BRSK2: variants seen among roughly 807,000 people sequenced by gnomAD.
BRSK2 encodes the protein serine/threonine-protein kinase BRSK2.
In BRSK2, 19 loss-of-function variants were observed where a neutral mutation model predicts 83.3. The ratio of observed to expected loss-of-function variants is 0.23; its 90% CI spans 0.16 to 0.33. BRSK2 has a LOEUF of 0.33. Among genes scored for constraint, BRSK2 ranks in the 10% least tolerant of loss-of-function variants. The probability of loss-of-function intolerance (pLI) is 1.00; values close to 1 mark genes in which losing one functional copy is unlikely to be tolerated. For missense variants in BRSK2, 798 were observed against 1,042.3 expected, an observed-to-expected ratio of 0.77 and a Z score of 3.23; for synonymous variants, 519 against 435.4, an observed-to-expected ratio of 1.19 and a Z score of -2.39.
chr11:1,451,279 C>T lies in BRSK2; in HGVS notation c.1496-92C>T, dbSNP rs368890395. 1,523 of 1,467,146 alleles carry T rather than the reference C, an allele frequency of 1.0e-3. 35 individuals are homozygous for T. In the South Asian group the frequency reaches 0.015, roughly 14 times the overall value. The allele number at this position is 1,467,146 out of a possible 1,614,324, so 90.9% of individuals were successfully genotyped here. ...TGTCCCAGTGTGTGTGGGTGGACTC[C>T]TGATGACCCTGACCTCGGCGCAAGG... On this transcript the variant is annotated intron_variant, in intron 14 of 19. Coordinates refer to ENST00000528841, the MANE Select transcript of BRSK2 (RefSeq NM_001256627.2).
intron 15 of BRSK2, among the ~76,000 whole-genome samples, chr11:1,451,977 C>A (rs528447871): frequency 6.6e-6 from 1 of 152,046 alleles, no homozygotes; most frequent in African/African-American, 2.4e-5. Context: ...CCCTTCCCAG[C>A]GCCCAGGCCC....
At chr11:1,428,836 GGTGT>G (rs888738875) in intron 1 of BRSK2, among the ~76,000 whole-genome samples, 31 of 152,054 alleles carry the variant, frequency 2.0e-4, no homozygotes, top group African/African-American at 7.2e-4. Flanking sequence ...TACATGCATG[GGTGT>G]GTGTACAGGC....
Position 1,443,419 on chromosome 11 carries a change from C to A in BRSK2, c.633+16C>A, listed in dbSNP as rs1338867592. On this transcript the variant is annotated intron_variant, in intron 7 of 19. Coordinates refer to ENST00000528841, the MANE Select transcript of BRSK2 (RefSeq NM_001256627.2). ...CTTGCTGGTGGTGAGACCCTGGCCC[C>A]CTCAACCCTGCCCTGGCCTCTCCCC... 1 of 1,595,078 alleles carries A rather than the reference C, an allele frequency of 6.3e-7. No individual in the cohort carries two copies. The highest frequency in any genetic ancestry group is 2.3e-5 in the East Asian group (1 of 43,816).
At position 1,440,807 on chromosome 11, in the gene BRSK2, G is replaced by C. The variant is rs764532316; in HGVS notation, c.292G>C (p.Val98Leu). The C allele has an allele frequency of 8.2e-6, 13 of 1,582,514 alleles. No individual in the cohort carries two copies. Among genetic ancestry groups the C allele is most frequent in the Non-Finnish European group, 9.5e-6 (11 of 1,163,914 alleles). The change falls in exon 4 of 20, where the codon GTG (valine) becomes CTG (leucine). Residue 98 changes from valine (V) to leucine (L), a missense_variant. Physicochemically the swap from Val to Leu is conservative, Grantham distance 32. Around this residue, in one of 6 missense-constraint regions of BRSK2, gnomAD observed 109 missense variants for 259.2 expected, o/e 0.42. Coordinates refer to ENST00000528841, the MANE Select transcript of BRSK2 (RefSeq NM_001256627.2). ...KKYLYLVLEH[V>L]SGGELFDYLV... ...CTGCAGGTACCTGGTGCTAGAACAC[G>C]TGTCAGGTGGTGAGCTCTTCGACTA...
In BRSK2 at chr11:1,442,486, C is replaced by A. The variant is rs746983629; in HGVS notation, c.414-4C>A. On this transcript the variant is annotated splice_polypyrimidine_tract_variant and splice_region_variant and intron_variant, in intron 4 of 19. Transcript: ENST00000528841. ...CTGTTCAGCCTCACCACCCTCCTCC[C>A]CAGCCACAGGGATCTGAAACCTGAA... is the stretch of plus-strand genomic sequence containing the variant. 2 of 1,611,372 alleles carry A rather than the reference C, an allele frequency of 1.2e-6. No individual in the cohort carries two copies. The highest frequency in any genetic ancestry group is 1.7e-6 in the Non-Finnish European group (2 of 1,178,466).
chr11:1,426,971 C>G (rs958096262), intron 1 of BRSK2, among the ~76,000 whole-genome samples: 1 of 152,166 alleles, frequency 6.6e-6, no homozygotes, highest in African/African-American at 2.4e-5. Flanking sequence ...TGCTGCGCAA[C>G]TTTAGTCTGG....
Position 1,460,716 on chromosome 11 carries a change from A to G in BRSK2, c.2204A>G (p.Gln735Arg). 7.1e-7 allele frequency: 1 copy of G among 1,405,222 alleles called. No individual in the cohort carries two copies. 87.0% of individuals were successfully genotyped at this position (1,405,222 alleles called of 1,614,324 possible). ...GGCCCGCCCACCGCCCGCCGCGAGCAGCCTTAGACACACTAGCCCCCCCCC... is the reference window on the plus strand; with the variant it reads ...GGCCCGCCCACCGCCCGCCGCGAGCGGCCTTAGACACACTAGCCCCCCCCC... ...KMGPPTARRE[Q>R]P Residue 735 changes from glutamine (Q) to arginine (R), a missense_variant, in exon 20 of 20, where the codon CAG becomes CGG. Coordinates refer to ENST00000528841, the MANE Select transcript of BRSK2 (RefSeq NM_001256627.2).
intron 1 of BRSK2, among the ~76,000 whole-genome samples, chr11:1,404,597 C>T (rs917216986): frequency 6.6e-6 from 1 of 152,184 alleles, no homozygotes; most frequent in Non-Finnish European, 1.5e-5. Context: ...GCAGAGGGGG[C>T]GCCCCGGAGG....
chr11:1,439,702 C>T (rs1352829014), intron 3 of BRSK2, among the ~76,000 whole-genome samples: 9 of 152,002 alleles, frequency 5.9e-5, no homozygotes, highest in Non-Finnish European at 1.0e-4. Context: ...TGGGCCTGGC[C>T]GCCCCCCTGC....
intron 1 of BRSK2, among the ~76,000 whole-genome samples, chr11:1,393,552 T>C (rs981080481): frequency 6.6e-6 from 1 of 152,196 alleles, no homozygotes; most frequent in Non-Finnish European, 1.5e-5. Context: ...AGTGTTCACC[T>C]GCTGTGGCGT....
In BRSK2 at chr11:1,423,227, C is replaced by T. The variant is rs985342263; in HGVS notation, c.92-12813C>T. Among the ~76,000 whole-genome samples, 5 of 152,040 alleles carry T rather than the reference C, an allele frequency of 3.3e-5. No homozygotes were observed. Among genetic ancestry groups the T allele is most frequent in the South Asian group, 2.1e-4 (1 of 4,818 alleles). On this transcript the variant is annotated intron_variant, in intron 1 of 19. Coordinates refer to ENST00000528841, the MANE Select transcript of BRSK2 (RefSeq NM_001256627.2). This position sits in a 1 kb window ranked among gnomAD's most constrained non-coding sequence, Gnocchi z 6.5. The stretch of plus-strand genomic sequence containing the variant: ...TGCCTTGTGGGGTACGTGGTGGAGA[C>T]GGTGGGGTCGTGGCCGTCCAGGCTT...
chr11:1,419,913 GA>G lies in BRSK2; in HGVS notation c.92-16120del, dbSNP rs1303388833. On this transcript the variant is annotated intron_variant, in intron 1 of 19. Transcript: ENST00000528841. Reference sequence around the variant, plus strand: ...GGGCGACAGAGTCAGATTCCATCTCGAAAAAAACAGAAACAAGAATGTTTGA... The same window carrying G: ...GGGCGACAGAGTCAGATTCCATCTCGAAAAAACAGAAACAAGAATGTTTGA... 3.3e-5 allele frequency among the ~76,000 whole-genome samples: 5 copies of G among 152,214 alleles called. 1 individual carries two copies. The South Asian group carries it at 1.0e-3, about 32-fold the overall frequency.
At chr11:1,401,239 G>A (rs555210076) in intron 1 of BRSK2, among the ~76,000 whole-genome samples, 31 of 152,302 alleles carry the variant, frequency 2.0e-4, no homozygotes, top group South Asian at 1.4e-3. Context: ...ACATGCCCCC[G>A]GCATCACACC....
rs1183291883 is a variant in BRSK2, at chr11:1,390,709, C to T, written c.91+334C>T. On this transcript the variant is annotated intron_variant, in intron 1 of 19. Coordinates refer to ENST00000528841, the MANE Select transcript of BRSK2 (RefSeq NM_001256627.2). This position sits in a 1 kb window ranked among gnomAD's most constrained non-coding sequence, Gnocchi z 6.8. ...CGCATTGTGCGCCCCAGCGACCGGG[C>T]CCATTGTGCCGCGGGAGGAGGGGGC... Among the ~76,000 whole-genome samples the T allele has an allele frequency of 1.3e-5, 2 of 150,854 alleles. No homozygotes were observed. The highest frequency in any genetic ancestry group is 3.0e-5 in the Non-Finnish European group (2 of 67,684).
At position 1,461,329 on chromosome 11, in the gene BRSK2, G is replaced by T. The variant is rs1351889356; in HGVS notation, c.*606G>T. On this transcript the variant is annotated 3_prime_UTR_variant, in exon 20 of 20. Transcript: ENST00000528841. ...CGCCGCACCTGGAGGCCTCCTCGCAGGCCCGTGCCCCGCCTCCCTGGCTGC... is the reference window on the plus strand; with the variant it reads ...CGCCGCACCTGGAGGCCTCCTCGCATGCCCGTGCCCCGCCTCCCTGGCTGC... 2 of 384,826 alleles carry T rather than the reference G, an allele frequency of 5.2e-6. No homozygotes were observed. Among genetic ancestry groups the T allele is most frequent in the East Asian group, 1.3e-4 (2 of 15,814 alleles). 23.8% of individuals were successfully genotyped at this position (384,826 alleles called of 1,614,324 possible).
In BRSK2 at chr11:1,403,924, T is replaced by G. The variant is rs376293813; in HGVS notation, c.91+13549T>G. ...GGCCCCACTGCCCAACTTGGGACGGTGGCATCACGGGAGTTGGGATGGGAG... is the reference window on the plus strand; with the variant it reads ...GGCCCCACTGCCCAACTTGGGACGGGGGCATCACGGGAGTTGGGATGGGAG... On this transcript the variant is annotated intron_variant, in intron 1 of 19. Coordinates refer to ENST00000528841, the MANE Select transcript of BRSK2 (RefSeq NM_001256627.2). 1.3e-5 allele frequency among the ~76,000 whole-genome samples: 2 copies of G among 152,126 alleles called. 1 individual carries two copies. Among genetic ancestry groups the G allele is most frequent in the South Asian group, 4.1e-4 (2 of 4,832 alleles).
chr11:1,417,646 TTTC>T (rs1848233851), intron 1 of BRSK2, among the ~76,000 whole-genome samples: 1 of 147,162 alleles, frequency 6.8e-6, no homozygotes, highest in African/African-American at 2.5e-5. Context: ...CTGTTGGCTG[TTTC>T]TTCTCTTGAG....
intron 1 of BRSK2, among the ~76,000 whole-genome samples, chr11:1,433,463 C>A (rs1308368916): frequency 6.6e-6 from 1 of 152,278 alleles, no homozygotes; most frequent in East Asian, 1.9e-4. Context: ...CGGCTGCATC[C>A]TCCCAGGAGT....
Position 1,445,766 on chromosome 11 carries a change from G to A in BRSK2, c.1085G>A (p.Arg362Gln), listed in dbSNP as rs1160323104. The change falls in exon 12 of 20, where the codon CGG becomes CAG. Residue 362 changes from arginine to glutamine, a missense_variant. By Grantham distance (43) the Arg-to-Gln change is conservative. Transcript: ENST00000528841. ...CTTCGTCTGTACTCAGACCCTCCCC[G>A]GAAGCGTGTGGACTCCCCGATGCTG... ...LPPRNEIDPP[R>Q]KRVDSPMLNR... 7 of 1,611,750 alleles carry A rather than the reference G, an allele frequency of 4.3e-6. No individual in the cohort carries two copies. The highest frequency in any genetic ancestry group is 5.1e-6 in the Non-Finnish European group (6 of 1,179,172).
Sources: gnomAD v4.1 joint callset for allele counts (sites outside exome capture counted in the v4.1 genomes callset) on GRCh38, gnomAD v4.1.1 for gene constraint, gnomAD v4.1.1 regional missense constraint, Gnocchi (gnomAD v3.1) non-coding constraint, MANE v1.5 for transcripts, NCBI Gene and HGNC (gene_info 2026-07-23, HGNC 2026-07-21) for gene names.